Variants in NAV1 observed in about 807,000 individuals in gnomAD.
NAV1 encodes the protein neuron navigator 1.
NAV1 carries 18 observed loss-of-function variants against 175.2 expected under a neutral mutation model. That is an observed-to-expected ratio of 0.10 (90% CI 0.07 to 0.15). The LOEUF is 0.15. Ranked by LOEUF, NAV1 falls within the 10% of genes least tolerant of loss-of-function variation. The pLI is 1.00. For missense variants in NAV1, 1,731 were observed against 2,436.6 expected (o/e 0.71, Z 6.10); for synonymous variants, 897 against 978.7 (o/e 0.92, Z 1.56).
chr1:201,553,494 C>A (rs763748842), intron 1 of NAV1, among the ~76,000 whole-genome samples: 1 of 152,222 alleles, frequency 6.6e-6, no homozygotes, highest in African/African-American at 2.4e-5. Context: ...AGGAGGGAAT[C>A]CTTTTCTCTT....
upstream of NAV1, among the ~76,000 whole-genome samples, chr1:201,619,304 G>A (rs1282176934): frequency 6.6e-6 from 1 of 152,258 alleles, no homozygotes; most frequent in Non-Finnish European, 1.5e-5. Flanking sequence ...GGAAGTCTGA[G>A]TCAAGGGGCT....
intron 1 of NAV1, among the ~76,000 whole-genome samples, chr1:201,628,835 G>A (rs1239833614): frequency 6.6e-6 from 1 of 152,128 alleles, no homozygotes; most frequent in African/African-American, 2.4e-5. Context: ...CTACCACAAC[G>A]GGCCCAGCAA....
chr1:201,575,546 G>A (rs1261709018), intron 1 of NAV1, among the ~76,000 whole-genome samples: 1 of 152,152 alleles, frequency 6.6e-6, no homozygotes, highest in Non-Finnish European at 1.5e-5. Context: ...GTGTCCAATG[G>A]GATGATGAAG....
chr1:201,750,863 C>T lies in NAV1; in HGVS notation c.1227-29558C>T, dbSNP rs2102595103. Reference sequence around the variant, plus strand: ...AAATTGAGAAGTGGTCTGGATCTACCCTGTATCAGAACAGGATGGAAGAAA... The same window carrying T: ...AAATTGAGAAGTGGTCTGGATCTACTCTGTATCAGAACAGGATGGAAGAAA... On this transcript the variant is annotated intron_variant, in intron 3 of 29. Transcript: ENST00000367296. The surrounding 1 kb of genome is among the most constrained non-coding windows in gnomAD (Gnocchi z 4.1). 6.6e-6 allele frequency among the ~76,000 whole-genome samples: 1 copy of T among 151,972 alleles called. No homozygotes were observed. The highest frequency in any genetic ancestry group is 2.1e-4 in the South Asian group (1 of 4,790).
chr1:201,638,288 C>T (rs147364696), intron 2 of NAV1, among the ~76,000 whole-genome samples: 1 of 152,318 alleles, frequency 6.6e-6, no homozygotes, highest in East Asian at 1.9e-4. Flanking sequence ...GGACATAGGT[C>T]ATGGGGCTGA....
intron 1 of NAV1, among the ~76,000 whole-genome samples, chr1:201,586,418 A>G (rs1308938306): frequency 6.6e-6 from 1 of 152,232 alleles, no homozygotes; most frequent in East Asian, 1.9e-4. Context: ...ATACTTAATC[A>G]ATACCACCTG....
intron 2 of NAV1, among the ~76,000 whole-genome samples, chr1:201,591,771 C>T (rs1414646314): frequency 6.6e-6 from 1 of 152,012 alleles, no homozygotes; most frequent in Non-Finnish European, 1.5e-5. Flanking sequence ...TCTTCTGTGC[C>T]CCCCAAGAGG....
intron 2 of NAV1, among the ~76,000 whole-genome samples, chr1:201,612,953 C>G (rs911584233): frequency 6.6e-6 from 1 of 152,082 alleles, no homozygotes; most frequent in Non-Finnish European, 1.5e-5. Context: ...TCTCTCTTGC[C>G]TGAGGTGAAG....
intron 7 of NAV1, 133 bp downstream of exon 11, chr1:201,783,985 A>G: frequency 1.3e-6 from 1 of 771,490 alleles, no homozygotes; most frequent in Non-Finnish European, 2.0e-6. Flanking sequence ...AAGTAATTTA[A>G]TTTGCTTCAC....
intron 1 of NAV1, among the ~76,000 whole-genome samples, chr1:201,570,665 C>T (rs1038863192): frequency 1.3e-5 from 2 of 152,224 alleles, no homozygotes; most frequent in Non-Finnish European, 1.5e-5. Context: ...GGGCTACGAC[C>T]AGGGCCAGGG....
chr1:201,749,193 G>A (rs761860750), intron 3 of NAV1, among the ~76,000 whole-genome samples: 21 of 152,106 alleles, frequency 1.4e-4, no homozygotes, highest in Non-Finnish European at 3.1e-4. Flanking sequence ...TTCTACCTGC[G>A]AAATAATGTC....
chr1:201,757,905 G>A (rs1375967275), intron 3 of NAV1, among the ~76,000 whole-genome samples: 2 of 152,200 alleles, frequency 1.3e-5, no homozygotes, highest in Non-Finnish European at 2.9e-5. Context: ...CTGGTTCCCA[G>A]GTGGTTGTGG....
upstream of NAV1, among the ~76,000 whole-genome samples, chr1:201,618,425 A>C (rs938422432): frequency 3.3e-5 from 5 of 152,160 alleles, no homozygotes; most frequent in African/African-American, 1.2e-4. Context: ...TAAGAGAAGG[A>C]AAAGAGCCCT....
chr1:201,780,441 T>A (rs1676246825), exon 4 of NAV1: 1 of 1,614,086 alleles, frequency 6.2e-7, no homozygotes, highest in Non-Finnish European at 8.5e-7. Context: ...AGCAGCTCCA[T>A]CAGTAGTGGA....
intron 3 of NAV1, among the ~76,000 whole-genome samples, chr1:201,727,597 C>T (rs1371982730): frequency 1.3e-5 from 2 of 152,128 alleles, no homozygotes; most frequent in Non-Finnish European, 2.9e-5. Context: ...GGCCGGGCAC[C>T]CCCAGAAGCT....
chr1:201,686,081 G>C (rs538219912), intron 1 of NAV1, among the ~76,000 whole-genome samples: 27 of 152,340 alleles, frequency 1.8e-4, no homozygotes, highest in Non-Finnish European at 3.7e-4. Flanking sequence ...TCCAGAGCCA[G>C]AGAAGAGGCT....
intron 1 of NAV1, among the ~76,000 whole-genome samples, chr1:201,671,213 C>T (rs1251102535): frequency 2.0e-5 from 3 of 152,144 alleles, no homozygotes; most frequent in Non-Finnish European, 4.4e-5. Flanking sequence ...CTGCCTTCCG[C>T]GAGGGTATTA....
At chr1:201,540,532 C>T (rs531396261) in intron 1 of NAV1, among the ~76,000 whole-genome samples, 5 of 152,286 alleles carry the variant, frequency 3.3e-5, no homozygotes, top group African/African-American at 1.2e-4. Flanking sequence ...AAAAGAATGG[C>T]CTCCCCAGGA....
At chr1:201,747,077 C>T (rs1420183953) in intron 3 of NAV1, among the ~76,000 whole-genome samples, 1 of 151,840 alleles carries the variant, frequency 6.6e-6, no homozygotes, top group East Asian at 1.9e-4. Flanking sequence ...AGGAGAAGAA[C>T]CCTGGGCCTG....
Sources: gnomAD v4.1 joint callset for allele counts (sites outside exome capture counted in the v4.1 genomes callset) on GRCh38, gnomAD v4.1.1 for gene constraint, Gnocchi (gnomAD v3.1) non-coding constraint, MANE v1.5 for transcripts, NCBI Gene and HGNC (gene_info 2026-07-23, HGNC 2026-07-21) for gene names.